WBP2NL: variants seen among roughly 807,000 people sequenced by gnomAD.
The protein encoded by WBP2NL is postacrosomal sheath WW domain-binding protein.
WBP2NL carries 27 observed loss-of-function variants against 23.3 expected under a neutral mutation model. That is an observed-to-expected ratio of 1.16 (90% CI 0.85 to 1.60). The LOEUF (loss-of-function observed/expected upper bound fraction) is 1.60. Among genes scored for constraint, WBP2NL ranks in the 40% most tolerant of loss-of-function variants. The probability of loss-of-function intolerance (pLI) is 0.00; values close to 1 mark genes in which losing one functional copy is unlikely to be tolerated. For missense variants in WBP2NL, 370 were observed against 389.5 expected (o/e 0.95, Z 0.42); for synonymous variants, 151 against 145.9 (o/e 1.03, Z -0.25).
Position 42,019,695 on chromosome 22 carries a change from C to G in WBP2NL, c.205C>G (p.Pro69Ala). The change falls in exon 3 of 6, where the codon CCC becomes GCC. Residue 69 changes from proline (P) to alanine (A), a missense_variant. By Grantham distance (27) the Pro-to-Ala change is conservative. Transcript: ENST00000328823. The part of the protein sequence containing the change: ...IFITSCSISD[P>A]MLSFMMPFDL... ...CATAACTTCATGCTCCATCAGTGAT[C>G]CCATGTTGTCTTTTATGATGCCATT... 3 of 1,614,122 alleles carry G rather than the reference C, an allele frequency of 1.9e-6. No homozygotes were observed. Among genetic ancestry groups the G allele is most frequent in the Non-Finnish European group, 2.5e-6 (3 of 1,180,022 alleles).
downstream of WBP2NL, among the ~76,000 whole-genome samples, chr22:42,037,649 G>A (rs551014575): frequency 2.3e-4 from 35 of 151,904 alleles, no homozygotes; most frequent in South Asian, 1.5e-3. Context: ...GCTGAGTCCC[G>A]TAAATTCCTA....
chr22:42,045,313 C>T lies in WBP2NL; in HGVS notation c.*274-12977C>T, dbSNP rs559358632. Among the ~76,000 whole-genome samples, 37 of 151,968 alleles carry T rather than the reference C, an allele frequency of 2.4e-4. 1 individual carries two copies. Among genetic ancestry groups the T allele is most frequent in the Middle Eastern group, 3.4e-3 (1 of 294 alleles). The stretch of plus-strand genomic sequence containing the variant: ...AAAATTAGCCGGGCATGGTGGTGGT[C>T]GCCTGTAGTCCCAGCTACTCTGGAG... On this transcript the variant is annotated intron_variant and NMD_transcript_variant, in intron 8 of 8. Coordinates refer to the WBP2NL transcript ENST00000436265.
chr22:42,000,620 G>A (rs1401360732), intron 1 of WBP2NL, among the ~76,000 whole-genome samples: 3 of 152,108 alleles, frequency 2.0e-5, no homozygotes, highest in Non-Finnish European at 4.4e-5. Context: ...AATTGACAGC[G>A]AGGAGTCTGT....
rs1925602915 is a variant in WBP2NL at position 42,046,749 on chromosome 22, G to T, written c.*274-11541G>T. Among the ~76,000 whole-genome samples the T allele has an allele frequency of 2.0e-5, 3 of 152,166 alleles. No individual in the cohort carries two copies. In the South Asian group the frequency reaches 6.2e-4, roughly 31 times the overall value. On this transcript the variant is annotated intron_variant and NMD_transcript_variant, in intron 8 of 8. Coordinates refer to the WBP2NL transcript ENST00000436265. ...ACTATTCTGACATTTTAGGAAGGAG[G>T]TAATTGTTTTTAATGATGGATAAAC... is the stretch of plus-strand genomic sequence containing the variant.
At chr22:42,037,094 T>C (rs929253504), downstream of WBP2NL, among the ~76,000 whole-genome samples, 8 of 151,690 alleles carry the variant, frequency 5.3e-5, no homozygotes, top group Non-Finnish European at 1.0e-4. Flanking sequence ...TTTGAGTTGA[T>C]TGTTGTGTAG....
chr22:42,025,690 G>A (rs1924410032), intron 5 of WBP2NL, among the ~76,000 whole-genome samples: 1 of 152,140 alleles, frequency 6.6e-6, no homozygotes, highest in Admixed American at 6.5e-5. Flanking sequence ...CTGTCCTTGT[G>A]CCAGTAAAAC....
intron 5 of WBP2NL, among the ~76,000 whole-genome samples, chr22:42,023,551 G>T (rs1924171918): frequency 6.6e-6 from 1 of 151,840 alleles, no homozygotes; most frequent in Non-Finnish European, 1.5e-5. Flanking sequence ...CGCCCAGGCT[G>T]GAGTGCAGTG....
chr22:42,047,904 A>G (rs34277770), intron 8 of WBP2NL, among the ~76,000 whole-genome samples: 49,043 of 151,530 alleles, frequency 0.32, 9,421 homozygotes, highest in Admixed American at 0.45. Context: ...TTATAGGCGT[A>G]AGCCACTGCA....
intron 8 of WBP2NL, among the ~76,000 whole-genome samples, chr22:42,049,546 C>T (rs1268409529): frequency 4.0e-5 from 6 of 151,412 alleles, no homozygotes; most frequent in East Asian, 1.9e-4. Context: ...AAAAATTAGC[C>T]GGGCGTGGTG....
intron 4 of WBP2NL, among the ~76,000 whole-genome samples, chr22:42,020,868 GTATATATATATATA>G (rs1335645142): frequency 6.5e-3 from 99 of 15,214 alleles, no homozygotes; most frequent in Admixed American, 0.014. Flanking sequence ...GTGTGTGTGT[GTATATATATATATA>G]TATATATATA....
chr22:42,039,549 TTC>T (rs932323330), intron 8 of WBP2NL, among the ~76,000 whole-genome samples: 18 of 152,114 alleles, frequency 1.2e-4, no homozygotes, highest in African/African-American at 3.9e-4. Flanking sequence ...TGCTCAGACT[TTC>T]TGTTTCTTCT....
chr22:42,016,017 T>C (rs1923278260), intron 1 of WBP2NL, among the ~76,000 whole-genome samples: 1 of 151,980 alleles, frequency 6.6e-6, no homozygotes, highest in Non-Finnish European at 1.5e-5. Flanking sequence ...ATTTCGCTCT[T>C]GTTCCCCAGG....
intron 1 of WBP2NL, among the ~76,000 whole-genome samples, chr22:42,017,334 C>G (rs565089283): frequency 1.1e-3 from 167 of 152,206 alleles, no homozygotes; most frequent in African/African-American, 3.7e-3. Flanking sequence ...AAGCTGGTCT[C>G]TAACTCCCCA....
chr22:42,054,717 A>AG (rs1156842099), intron 8 of WBP2NL, among the ~76,000 whole-genome samples: 11 of 144,552 alleles, frequency 7.6e-5, no homozygotes, highest in African/African-American at 2.8e-4. Context: ...TACCTTTGTA[A>AG]AAAAAAAAAA....
chr22:42,015,879 G>A (rs1215522218), intron 1 of WBP2NL, among the ~76,000 whole-genome samples: 2 of 152,102 alleles, frequency 1.3e-5, no homozygotes, highest in Non-Finnish European at 2.9e-5. Flanking sequence ...ATTCCTCAAA[G>A]CATCTCATTG....
chr22:42,019,019 G>A (rs541793495), intron 1 of WBP2NL, among the ~76,000 whole-genome samples: 3 of 151,498 alleles, frequency 2.0e-5, no homozygotes, highest in Admixed American at 6.6e-5. Context: ...TCAGGAGATC[G>A]AGACCATCCT....
Position 41,998,875 on chromosome 22 carries a change from T to G in WBP2NL, c.57T>G (p.Gly19=). The change falls in exon 1 of 6, where the codon GGT becomes GGG. Residue 19 remains glycine (G), a synonymous_variant. Transcript: ENST00000328823. ...ENRRGALIPN[G]ESLLKRSPNV... ...GCCGCGGAGCCCTCATCCCTAACGG[T>G]GAAAGGTGCCTGAGGGGAAGCACGG... is the stretch of plus-strand genomic sequence containing the variant. The G allele has an allele frequency of 2.5e-6, 4 of 1,599,276 alleles. No homozygotes were observed. The highest frequency in any genetic ancestry group is 3.4e-6 in the Non-Finnish European group (4 of 1,172,384).
At chr22:42,025,512 G>A (rs546796445) in intron 5 of WBP2NL, among the ~76,000 whole-genome samples, 2 of 152,286 alleles carry the variant, frequency 1.3e-5, no homozygotes, top group South Asian at 4.1e-4. Flanking sequence ...GTGAAGTGAG[G>A]GAAGAACCTC....
intron 8 of WBP2NL, among the ~76,000 whole-genome samples, chr22:42,042,992 G>A (rs903349540): frequency 4.2e-5 from 6 of 144,020 alleles, no homozygotes; most frequent in African/African-American, 1.6e-4. Context: ...TTGAGCCCAG[G>A]AGACAGAGGT....
Sources: gnomAD v4.1 joint callset for allele counts (sites outside exome capture counted in the v4.1 genomes callset) on GRCh38, gnomAD v4.1.1 for gene constraint, MANE v1.5 for transcripts, NCBI Gene and HGNC (gene_info 2026-07-23, HGNC 2026-07-21) for gene names.